Variants in THSD7A observed in about 807,000 individuals in gnomAD.
The protein encoded by THSD7A is thrombospondin type-1 domain-containing protein 7A.
In THSD7A, 96 loss-of-function variants were observed where a neutral mutation model predicts 231.3. That is an observed-to-expected ratio of 0.41 (90% confidence interval 0.35 to 0.49). THSD7A has a LOEUF of 0.49. Among genes scored for constraint, THSD7A ranks in the 20% least tolerant of loss-of-function variants. The pLI, the probability that THSD7A is intolerant of heterozygous loss-of-function variation, is 0.05. For synonymous variants in THSD7A, 940 were observed against 743.3 expected, an observed-to-expected ratio of 1.26 and a Z score of -4.30; for missense variants, 2,290 against 2,070.2, an observed-to-expected ratio of 1.11 and a Z score of -2.06.
chr7:11,794,167 G>A (rs957281534), intron 1 of THSD7A, among the ~76,000 whole-genome samples: 7 of 151,872 alleles, frequency 4.6e-5, no homozygotes, highest in African/African-American at 1.7e-4. Context: ...CAGGAGATAA[G>A]AGAAGTCTGT....
At chr7:11,673,018 C>G (rs767118222) in intron 1 of THSD7A, among the ~76,000 whole-genome samples, 1 of 152,144 alleles carries the variant, frequency 6.6e-6, no homozygotes, top group East Asian at 1.9e-4. Flanking sequence ...GAGGATGCCT[C>G]TTCCACAGAG....
At chr7:11,737,701 T>G (rs962798210) in intron 1 of THSD7A, among the ~76,000 whole-genome samples, 8 of 152,012 alleles carry the variant, frequency 5.3e-5, no homozygotes, top group South Asian at 2.1e-4. Context: ...GGGCTATATA[T>G]TATAGTTTCA....
chr7:11,550,422 T>C (rs1789578475), intron 4 of THSD7A, among the ~76,000 whole-genome samples: 3 of 152,120 alleles, frequency 2.0e-5, no homozygotes, highest in South Asian at 2.1e-4. Context: ...TCATCTCAAA[T>C]TGTAATCCCA....
intron 1 of THSD7A, among the ~76,000 whole-genome samples, chr7:11,732,519 C>T (rs1456991798): frequency 1.3e-5 from 2 of 151,748 alleles, no homozygotes; most frequent in East Asian, 1.9e-4. Context: ...TATTCCAGCA[C>T]GTTTTAGAAT....
At chr7:11,716,648 A>G (rs1181304227) in intron 1 of THSD7A, among the ~76,000 whole-genome samples, 1 of 151,482 alleles carries the variant, frequency 6.6e-6, no homozygotes, top group Non-Finnish European at 1.5e-5. Context: ...TTAAATCTTT[A>G]TATGCCTCAT....
At chr7:11,514,097 T>G (rs528008083) in intron 6 of THSD7A, among the ~76,000 whole-genome samples, 2 of 152,272 alleles carry the variant, frequency 1.3e-5, no homozygotes, top group East Asian at 3.9e-4. Flanking sequence ...TTAAGAGTTA[T>G]TCACTCCTTT....
chr7:11,544,349 A>T (rs1789285102), intron 4 of THSD7A, among the ~76,000 whole-genome samples: 2 of 152,250 alleles, frequency 1.3e-5, no homozygotes, highest in African/African-American at 2.4e-5. Flanking sequence ...GGAAAAAAAA[A>T]AAGTCATTTT....
intron 6 of THSD7A, among the ~76,000 whole-genome samples, chr7:11,508,807 T>C (rs1015201213): frequency 6.6e-6 from 1 of 152,222 alleles, no homozygotes; most frequent in African/African-American, 2.4e-5. Flanking sequence ...GGATTAATCT[T>C]GAAGACATTA....
chr7:11,560,621 T>C (rs557796712), intron 4 of THSD7A, among the ~76,000 whole-genome samples: 11 of 152,144 alleles, frequency 7.2e-5, no homozygotes, highest in Non-Finnish European at 1.6e-4. Flanking sequence ...TTATTCTTGC[T>C]CCCTTATAGC....
chr7:11,631,014 A>T (rs992268826), intron 2 of THSD7A, among the ~76,000 whole-genome samples: 1 of 152,212 alleles, frequency 6.6e-6, no homozygotes, highest in African/African-American at 2.4e-5. Context: ...ACCAGAAAAT[A>T]ACATTTCTGC....
At chr7:11,657,809 G>C (rs533214944) in intron 1 of THSD7A, among the ~76,000 whole-genome samples, 2 of 151,770 alleles carry the variant, frequency 1.3e-5, no homozygotes, top group Admixed American at 6.6e-5. Flanking sequence ...AGATATAATT[G>C]GTATTGCTCC....
intron 4 of THSD7A, among the ~76,000 whole-genome samples, chr7:11,574,483 G>A (rs1302996641): frequency 6.7e-6 from 1 of 149,604 alleles, no homozygotes; most frequent in African/African-American, 2.5e-5. Flanking sequence ...CGCCCAGGCT[G>A]GAGTGCAGTG....
At chr7:11,581,532 G>C (rs780709385) in intron 4 of THSD7A, among the ~76,000 whole-genome samples, 7 of 150,260 alleles carry the variant, frequency 4.7e-5, no homozygotes, top group Admixed American at 2.0e-4. Context: ...AAGAGAGATA[G>C]GTTTGAAATA....
At chr7:11,624,357 C>A (rs1373445045) in intron 2 of THSD7A, among the ~76,000 whole-genome samples, 1 of 152,064 alleles carries the variant, frequency 6.6e-6, no homozygotes, top group Non-Finnish European at 1.5e-5. Flanking sequence ...GATTTTTCTG[C>A]CTTACCATCA....
chr7:11,510,454 T>C (rs111786239), intron 6 of THSD7A, among the ~76,000 whole-genome samples: 27,737 of 152,140 alleles, frequency 0.18, 2,841 homozygotes, highest in Middle Eastern at 0.26. Flanking sequence ...TACCAAAGCC[T>C]GGCAGACACA....
intron 7 of THSD7A, among the ~76,000 whole-genome samples, chr7:11,480,739 T>C (rs886264970): frequency 6.6e-6 from 1 of 152,150 alleles, no homozygotes; most frequent in Non-Finnish European, 1.5e-5. Context: ...GTGTGCACAG[T>C]TGTTACACAC....
intron 2 of THSD7A, among the ~76,000 whole-genome samples, chr7:11,610,404 GA>G (rs2128348663): frequency 6.6e-6 from 1 of 152,182 alleles, no homozygotes; most frequent in Admixed American, 6.6e-5. Context: ...CAAACAGGAA[GA>G]AAATACCAAT....
At chr7:11,697,245 A>T (rs1389117704) in intron 1 of THSD7A, among the ~76,000 whole-genome samples, 1 of 151,340 alleles carries the variant, frequency 6.6e-6, no homozygotes, top group East Asian at 2.0e-4. Context: ...CCAAAACCTC[A>T]TTGCATTACA....
chr7:11,743,023 C>T (rs1782163897), intron 1 of THSD7A, among the ~76,000 whole-genome samples: 1 of 151,888 alleles, frequency 6.6e-6, no homozygotes, highest in Admixed American at 6.6e-5. Flanking sequence ...GCTACTACAT[C>T]AAGGTTCATT....
Sources: allele counts gnomAD v4.1 joint callset (sites outside exome capture counted in the v4.1 genomes callset), GRCh38; gene constraint gnomAD v4.1.1; transcripts MANE v1.5; gene names NCBI Gene and HGNC (gene_info 2026-07-23, HGNC 2026-07-21).